NEK1: variants seen among roughly 807,000 people sequenced by gnomAD.
The protein encoded by NEK1 is serine/threonine-protein kinase Nek1.
In NEK1, 137 loss-of-function variants were observed where a neutral mutation model predicts 182.1. The observed-to-expected ratio is 0.75, with a 90% CI of 0.65 to 0.87. The LOEUF is 0.87. NEK1 is among the 40% of genes least tolerant of loss of function. NEK1 has a pLI of 0.00. For synonymous variants in NEK1, 513 were observed against 492.2 expected (o/e 1.04, Z -0.56); for missense variants, 1,391 against 1,494.4 (o/e 0.93, Z 1.14).
chr4:169,473,823 G>A (rs1256452693), intron 26 of NEK1, among the ~76,000 whole-genome samples: 2 of 152,200 alleles, frequency 1.3e-5, no homozygotes, highest in Non-Finnish European at 1.5e-5. Context: ...GCACACGTGC[G>A]TGTGGGTATG....
chr4:169,594,876 T>C (rs947407111), intron 5 of NEK1, among the ~76,000 whole-genome samples: 1 of 152,214 alleles, frequency 6.6e-6, no homozygotes, highest in Non-Finnish European at 1.5e-5. Flanking sequence ...TTGCTCTCCA[T>C]TTTTATCCTC....
chr4:169,463,399 T>C lies in NEK1; in HGVS notation c.2435-4A>G, dbSNP rs886059230. On this transcript the variant is annotated splice_region_variant and splice_polypyrimidine_tract_variant and intron_variant, in intron 26 of 35. Coordinates refer to ENST00000507142, the MANE Select transcript of NEK1 (RefSeq NM_001199397.3). ...ATAACTTCTCCCACTGTATGTCCTA[T>C]AAGAAAAATATACAAAGAAACAATT... 4.4e-6 allele frequency: 7 copies of C among 1,587,512 alleles called. No individual in the cohort carries two copies. The highest frequency in any genetic ancestry group is 6.0e-6 in the Non-Finnish European group (7 of 1,165,154).
chr4:169,485,668 A>G (rs1159007975), intron 23 of NEK1, among the ~76,000 whole-genome samples: 1 of 152,182 alleles, frequency 6.6e-6, no homozygotes, highest in Non-Finnish European at 1.5e-5. Flanking sequence ...GAATGACCCA[A>G]TTTTATTATA....
At chr4:169,514,703 CA>C (rs953741948) in intron 19 of NEK1, among the ~76,000 whole-genome samples, 18 of 152,188 alleles carry the variant, frequency 1.2e-4, no homozygotes, top group African/African-American at 4.1e-4. Context: ...TAATTATACC[CA>C]TTTTTTTCTG....
At chr4:169,572,570 G>A (rs1392192337) in intron 12 of NEK1, among the ~76,000 whole-genome samples, 9 of 152,118 alleles carry the variant, frequency 5.9e-5, no homozygotes, top group Admixed American at 5.2e-4. Flanking sequence ...TTATCCATTA[G>A]AAAGTTCGTA....
chr4:169,522,891 T>C (rs943210341), intron 19 of NEK1, among the ~76,000 whole-genome samples: 22 of 152,278 alleles, frequency 1.4e-4, no homozygotes, highest in Non-Finnish European at 2.4e-4. Flanking sequence ...GTTTTTTGTC[T>C]AGTGGATCTG....
intron 28 of NEK1, among the ~76,000 whole-genome samples, chr4:169,436,526 C>A (rs1738444110): frequency 6.6e-6 from 1 of 152,142 alleles, no homozygotes; most frequent in South Asian, 2.1e-4. Flanking sequence ...ATTATCAAAG[C>A]AGAACATTCA....
rs751948691 is a variant in NEK1 at position 169,463,396 on chromosome 4, C to T, written c.2435-1G>A. Reference sequence around the variant, plus strand: ...TTAATAACTTCTCCCACTGTATGTCCTATAAGAAAAATATACAAAGAAACA... The same window carrying T: ...TTAATAACTTCTCCCACTGTATGTCTTATAAGAAAAATATACAAAGAAACA... On this transcript the variant is annotated splice_acceptor_variant, in intron 26 of 35. Coordinates refer to ENST00000507142, the MANE Select transcript of NEK1 (RefSeq NM_001199397.3). LOFTEE classifies it high-confidence loss of function. 6 of 1,589,640 alleles carry T rather than the reference C, an allele frequency of 3.8e-6. No individual in the cohort carries two copies. The highest frequency in any genetic ancestry group is 5.1e-6 in the Non-Finnish European group (6 of 1,166,702).
At chr4:169,410,903 C>A (rs6850061) in intron 31 of NEK1, among the ~76,000 whole-genome samples, 1 of 152,198 alleles carries the variant, frequency 6.6e-6, no homozygotes, top group Admixed American at 6.5e-5. Flanking sequence ...TGAAGAAACA[C>A]GAGCTGACTG....
At chr4:169,394,608 GA>G in intron 35 of NEK1, 85 bp from the exon 36 acceptor site, 1 of 754,304 alleles carries the variant, frequency 1.3e-6, no homozygotes, top group Non-Finnish European at 2.2e-6. Flanking sequence ...CATGCTAAAG[GA>G]GAAGAGCTTT....
chr4:169,475,470 T>C (rs953506684), intron 26 of NEK1, among the ~76,000 whole-genome samples: 3 of 152,112 alleles, frequency 2.0e-5, no homozygotes, highest in Non-Finnish European at 4.4e-5. Flanking sequence ...CCAAGTATTA[T>C]AACTTAACTG....
At chr4:169,475,047 A>G (rs1337287819) in intron 26 of NEK1, among the ~76,000 whole-genome samples, 2 of 152,118 alleles carry the variant, frequency 1.3e-5, no homozygotes, top group African/African-American at 4.8e-5. Flanking sequence ...ACAAAAACAA[A>G]AACAAATGAG....
intron 19 of NEK1, among the ~76,000 whole-genome samples, chr4:169,531,235 A>T (rs1450168126): frequency 6.6e-6 from 1 of 152,104 alleles, no homozygotes; most frequent in African/African-American, 2.4e-5. Context: ...GATGAGGATT[A>T]AAAATAGTCT....
intron 27 of NEK1, among the ~76,000 whole-genome samples, chr4:169,442,466 C>T (rs1739655787): frequency 6.6e-6 from 1 of 152,058 alleles, no homozygotes; most frequent in African/African-American, 2.4e-5. Context: ...GAAAGTCAAT[C>T]CGTAAAATCG....
chr4:169,560,029 T>C (rs761196243), intron 16 of NEK1, among the ~76,000 whole-genome samples: 7 of 152,142 alleles, frequency 4.6e-5, no homozygotes, highest in Non-Finnish European at 1.0e-4. Context: ...AAAAGATGTA[T>C]TGACTTACAG....
intron 28 of NEK1, among the ~76,000 whole-genome samples, chr4:169,436,395 A>G (rs1738420317): frequency 6.6e-6 from 1 of 152,146 alleles, no homozygotes; most frequent in Admixed American, 6.5e-5. Context: ...GGCAAGTGAA[A>G]AACAGTTACT....
At chr4:169,565,216 C>T (rs1312032289) in intron 12 of NEK1, among the ~76,000 whole-genome samples, 1 of 152,060 alleles carries the variant, frequency 6.6e-6, no homozygotes, top group Non-Finnish European at 1.5e-5. Context: ...TAAAGGCGAC[C>T]CACAATAAGA....
chr4:169,476,805 A>T (rs1282610681), intron 26 of NEK1, among the ~76,000 whole-genome samples: 1 of 152,126 alleles, frequency 6.6e-6, no homozygotes. Flanking sequence ...AGAATTATTC[A>T]TAGTAACAGA....
At chr4:169,433,775 T>A in intron 28 of NEK1, 110 bp from the exon 29 acceptor site, 1 of 1,077,708 alleles carries the variant, frequency 9.3e-7, no homozygotes, top group Admixed American at 2.6e-5. Flanking sequence ...AATATATTCA[T>A]TAAAACAGAA....
Sources: gnomAD v4.1 joint callset for allele counts (sites outside exome capture counted in the v4.1 genomes callset) on GRCh38, gnomAD v4.1.1 for gene constraint, MANE v1.5 for transcripts, NCBI Gene and HGNC (gene_info 2026-07-23, HGNC 2026-07-21) for gene names.